INTS8: variants seen among roughly 807,000 people sequenced by gnomAD.
INTS8 encodes protein kaonashi-1.
In INTS8, 47 loss-of-function variants were observed where a neutral mutation model predicts 138.9. That is an observed-to-expected ratio of 0.34 (90% CI 0.27 to 0.43). The LOEUF (loss-of-function observed/expected upper bound fraction) is 0.43. Ranked by LOEUF, INTS8 falls within the 20% of genes least tolerant of loss-of-function variation. The pLI, the probability that INTS8 is intolerant of heterozygous loss-of-function variation, is 1.00. For missense variants in INTS8, 996 were observed against 1,173.0 expected (o/e 0.85, Z 2.20); for synonymous variants, 392 against 400.9 (o/e 0.98, Z 0.27).
At position 94,856,889 on chromosome 8, in the gene INTS8, C is replaced by A; in HGVS notation, c.1865C>A (p.Thr622Lys). The A allele has an allele frequency of 6.2e-7, 1 of 1,614,098 alleles. No individual in the cohort carries two copies. The change falls in exon 15 of 27, where the codon ACA (threonine) becomes AAA (lysine). Residue 622 changes from threonine (T) to lysine (K), a missense_variant. By Grantham distance (78) the Thr-to-Lys change is moderately conservative. Coordinates refer to ENST00000523731, the MANE Select transcript of INTS8 (RefSeq NM_017864.4). ...GAGATGTTGCTTTTGGATATTCATA[C>A]ACACGAAGCTGGGACAGGGCAGGCA... ...LNEMLLLDIH[T>K]HEAGTGQAGE...
intron 20 of INTS8, among the ~76,000 whole-genome samples, chr8:94,871,477 CAAA>C (rs35614739): frequency 7.7e-6 from 1 of 129,184 alleles, no homozygotes; most frequent in Non-Finnish European, 1.7e-5. Flanking sequence ...GACTCCGTCT[CAAA>C]AAAAAAAAAA....
At chr8:94,836,407 A>G in intron 6 of INTS8, 117 bp from the exon 7 acceptor site, 1 of 721,432 alleles carries the variant, frequency 1.4e-6, no homozygotes, top group Non-Finnish European at 2.3e-6. Context: ...TCCTTGGAAT[A>G]TGTGTTTTTT....
intron 6 of INTS8, among the ~76,000 whole-genome samples, chr8:94,835,896 C>A (rs1331270135): frequency 6.6e-6 from 1 of 152,200 alleles, no homozygotes; most frequent in African/African-American, 2.4e-5. Flanking sequence ...CTGCGCCCAG[C>A]CAGGCTTCTT....
At chr8:94,850,573 C>T (rs1295149909) in intron 12 of INTS8, among the ~76,000 whole-genome samples, 3 of 144,086 alleles carry the variant, frequency 2.1e-5, no homozygotes, top group Non-Finnish European at 4.5e-5. Context: ...GATTGCGCCA[C>T]TGCACTCCAG....
chr8:94,847,349 A>T (rs1815368869), intron 10 of INTS8, among the ~76,000 whole-genome samples: 1 of 152,132 alleles, frequency 6.6e-6, no homozygotes, highest in East Asian at 1.9e-4. Flanking sequence ...GCCGATGCAC[A>T]CATTTTTTTC....
chr8:94,854,917 T>TTC, intron 14 of INTS8, among the ~76,000 whole-genome samples: 1 of 151,644 alleles, frequency 6.6e-6, no homozygotes, highest in East Asian at 1.9e-4. Flanking sequence ...AATTTTTTTT[T>TTC]TTTTTTTTTG....
At chr8:94,850,257 T>C (rs1203343240) in intron 12 of INTS8, among the ~76,000 whole-genome samples, 166 bp downstream of exon 12, 1 of 152,280 alleles carries the variant, frequency 6.6e-6, no homozygotes, top group Non-Finnish European at 1.5e-5. Flanking sequence ...TAAGCAGTTA[T>C]GCTCTGGAGC....
At chr8:94,827,161 C>T in intron 2 of INTS8, 102 bp from the exon 3 acceptor site, 1 of 1,009,404 alleles carries the variant, frequency 9.9e-7, no homozygotes. Context: ...AGATGTGGTT[C>T]CTTAACAATG....
At chr8:94,868,660 TTTC>T (rs1376422673) in intron 20 of INTS8, 2 of 151,358 alleles carry the variant, frequency 1.3e-5, no homozygotes, top group East Asian at 3.9e-4. Context: ...TTTCTTTTCT[TTTC>T]TTTTCTCTTT....
chr8:94,824,109 T>A (rs1265352564), intron 1 of INTS8, among the ~76,000 whole-genome samples: 21 of 152,202 alleles, frequency 1.4e-4, no homozygotes, highest in Admixed American at 1.4e-3. Flanking sequence ...CAAGATGGCT[T>A]TGTATAGTGA....
chr8:94,827,927 T>G (rs1814571977), intron 4 of INTS8, 134 bp downstream of exon 4: 2 of 762,440 alleles, frequency 2.6e-6, no homozygotes, highest in Non-Finnish European at 4.6e-6. Flanking sequence ...TGTGAAGGTT[T>G]GTTTGAAGGA....
At chr8:94,854,881 G>T (rs1815687395) in intron 14 of INTS8, among the ~76,000 whole-genome samples, 2 of 150,976 alleles carry the variant, frequency 1.3e-5, no homozygotes, top group Admixed American at 6.6e-5. Flanking sequence ...ACAGGCATGT[G>T]CCACCATGCC....
chr8:94,836,128 C>T (rs988658709), intron 6 of INTS8, among the ~76,000 whole-genome samples: 1 of 152,120 alleles, frequency 6.6e-6, no homozygotes, highest in East Asian at 1.9e-4. Flanking sequence ...ACAGCACTTG[C>T]AGGAGTGTAG....
chr8:94,879,670 C>G (rs1816720281), intron 26 of INTS8: 2 of 142,548 alleles, frequency 1.4e-5, no homozygotes, highest in African/African-American at 5.3e-5. Context: ...AGGCCCTAAA[C>G]AGTCCATAGC....
In INTS8 at chr8:94,862,027, A is replaced by G. The variant is rs1006717272; in HGVS notation, c.2076+2395A>G. The stretch of plus-strand genomic sequence containing the variant: ...ACAATCTCGGCTCATTGCAACCTCT[A>G]CCTCCCAGTTTCAACCCATTCTTGT... On this transcript the variant is annotated intron_variant, in intron 16 of 26. Transcript: ENST00000523731. Among the ~76,000 whole-genome samples, 64 of 147,804 alleles carry G rather than the reference A, an allele frequency of 4.3e-4. 1 individual carries two copies. The highest frequency in any genetic ancestry group is 1.6e-3 in the African/African-American group (62 of 39,892).
intron 16 of INTS8, among the ~76,000 whole-genome samples, chr8:94,860,840 G>C (rs1231797844): frequency 1.3e-5 from 2 of 151,874 alleles, no homozygotes. Flanking sequence ...CAGATCACGA[G>C]GTCAGGAGAT....
chr8:94,845,522 G>T (rs1815300745), intron 10 of INTS8, among the ~76,000 whole-genome samples: 1 of 152,092 alleles, frequency 6.6e-6, no homozygotes, highest in African/African-American at 2.4e-5. Flanking sequence ...GAGTGCAGTG[G>T]CACAATCTTG....
chr8:94,846,427 A>ACCACGCCTG (rs1815334649), intron 10 of INTS8, among the ~76,000 whole-genome samples: 1 of 152,128 alleles, frequency 6.6e-6, no homozygotes, highest in Non-Finnish European at 1.5e-5. Flanking sequence ...GGCATGTGCC[A>ACCACGCCTG]CCACGCCTGG....
chr8:94,872,459 C>T (rs1051460038), intron 21 of INTS8, among the ~76,000 whole-genome samples: 10 of 152,194 alleles, frequency 6.6e-5, no homozygotes, highest in Non-Finnish European at 1.3e-4. Context: ...ATCTTGAACT[C>T]CTGACCTCAG....
Sources: gnomAD v4.1 joint callset for allele counts (sites outside exome capture counted in the v4.1 genomes callset) on GRCh38, gnomAD v4.1.1 for gene constraint, MANE v1.5 for transcripts, NCBI Gene and HGNC (gene_info 2026-07-23, HGNC 2026-07-21) for gene names.